Variants in CA8 observed in about 807,000 individuals in gnomAD.
CA8 encodes carbonic anhydrase-related protein.
In CA8, 22 loss-of-function variants were observed where a neutral mutation model predicts 41.4. The observed-to-expected ratio is 0.53, with a 90% CI of 0.38 to 0.76. CA8 has a LOEUF of 0.76. CA8 is among the 30% of genes least tolerant of loss of function. The probability of loss-of-function intolerance (pLI) is 0.00; values close to 1 mark genes in which losing one functional copy is unlikely to be tolerated. For missense variants in CA8, 270 were observed against 352.8 expected (o/e 0.77, Z 1.88); for synonymous variants, 121 against 130.6 (o/e 0.93, Z 0.50).
intron 3 of CA8, among the ~76,000 whole-genome samples, chr8:60,237,690 C>T (rs10081509): frequency 0.83 from 126,454 of 152,232 alleles, 53,806 homozygotes; most frequent in Non-Finnish European, 0.93. Context: ...CCAACAACAA[C>T]AGCAGAATCC....
chr8:60,255,159 C>G (rs577161845), intron 3 of CA8, among the ~76,000 whole-genome samples: 17 of 152,154 alleles, frequency 1.1e-4, no homozygotes, highest in Admixed American at 2.0e-4. Flanking sequence ...CAACCAACTC[C>G]TCCTCCTGTA....
At chr8:60,272,454 T>A (rs7004004) in intron 2 of CA8, among the ~76,000 whole-genome samples, 91,540 of 151,890 alleles carry the variant, frequency 0.6, 28,609 homozygotes, top group African/African-American at 0.79. Context: ...ATTTGCTCCA[T>A]AATACCCTCT....
intron 8 of CA8, among the ~76,000 whole-genome samples, chr8:60,190,872 G>T (rs183576892): frequency 3.4e-5 from 5 of 148,304 alleles, no homozygotes; most frequent in African/African-American, 1.2e-4. Context: ...ATATTACTAT[G>T]CAGTATTTCA....
intron 4 of CA8, among the ~76,000 whole-genome samples, chr8:60,230,613 T>C (rs1175257731): frequency 6.7e-6 from 1 of 148,416 alleles, no homozygotes; most frequent in African/African-American, 2.5e-5. Flanking sequence ...CCCTCCTTCC[T>C]TCCTTCCTGA....
rs1383694008 is a variant in CA8, at chr8:60,281,189, C to T, written c.-42G>A. 1.4e-6 allele frequency: 2 copies of T among 1,423,386 alleles called. No homozygotes were observed. The highest frequency in any genetic ancestry group is 2.4e-5 in the South Asian group (2 of 81,696). 88.2% of individuals were successfully genotyped at this position (1,423,386 alleles called of 1,614,324 possible). On this transcript the variant is annotated 5_prime_UTR_variant, in exon 1 of 9. Transcript: ENST00000317995. ...CCCTCGGCGCTCTCGGCAGCAGTGC[C>T]TGCGCCTTCGCTGGGCGCGGGGCTG...
At chr8:60,215,873 A>G (rs1807001898) in intron 7 of CA8, among the ~76,000 whole-genome samples, 1 of 152,182 alleles carries the variant, frequency 6.6e-6, no homozygotes, top group Non-Finnish European at 1.5e-5. Context: ...TAGAACTTCA[A>G]TGTTGCTAGT....
intron 3 of CA8, among the ~76,000 whole-genome samples, chr8:60,250,689 T>A (rs1032500989): frequency 3.3e-5 from 5 of 152,218 alleles, no homozygotes; most frequent in Admixed American, 3.3e-4. Flanking sequence ...GATTTCCGCA[T>A]ATCTTTTCAC....
At chr8:60,205,128 T>C (rs1806538130) in intron 8 of CA8, among the ~76,000 whole-genome samples, 1 of 152,188 alleles carries the variant, frequency 6.6e-6, no homozygotes, top group Non-Finnish European at 1.5e-5. Flanking sequence ...TTGGAGATGC[T>C]TGCTGAATAA....
At chr8:60,239,199 G>A (rs1279931476) in intron 3 of CA8, among the ~76,000 whole-genome samples, 4 of 152,150 alleles carry the variant, frequency 2.6e-5, no homozygotes, top group Non-Finnish European at 5.9e-5. Flanking sequence ...GAACTCCTGG[G>A]CTCAGGTGAT....
At chr8:60,250,185 C>T (rs1808396961) in intron 3 of CA8, among the ~76,000 whole-genome samples, 1 of 152,160 alleles carries the variant, frequency 6.6e-6, no homozygotes, top group African/African-American at 2.4e-5. Flanking sequence ...TAGAGCTAGA[C>T]TATTTTTAAA....
chr8:60,203,232 C>G (rs1256829073), intron 8 of CA8, among the ~76,000 whole-genome samples: 1 of 151,732 alleles, frequency 6.6e-6, no homozygotes, highest in African/African-American at 2.4e-5. Flanking sequence ...AGGCAGACAG[C>G]TAAAACAAAT....
At chr8:60,272,048 T>C (rs114850558) in intron 2 of CA8, among the ~76,000 whole-genome samples, 2,733 of 152,198 alleles carry the variant, frequency 0.018, 66 homozygotes, top group African/African-American at 0.061. Context: ...TTCAACTCCA[T>C]GTTAGGAGGG....
At position 60,254,040 on chromosome 8, in the gene CA8, T is replaced by A. The variant is rs116082678; in HGVS notation, c.417+11885A>T. ...CAGTGGCAAACACACAGCAGTGGCT[T>A]CCTGAGTGTGTTTTGAACTGATTTA... On this transcript the variant is annotated intron_variant, in intron 3 of 8. Transcript: ENST00000317995. 3.8e-3 allele frequency among the ~76,000 whole-genome samples: 575 copies of A among 152,324 alleles called. 6 individuals are homozygous for A. Among genetic ancestry groups the A allele is most frequent in the African/African-American group, 0.013 (552 of 41,566 alleles).
At chr8:60,248,634 A>G (rs1184519721) in intron 3 of CA8, among the ~76,000 whole-genome samples, 1 of 152,158 alleles carries the variant, frequency 6.6e-6, no homozygotes, top group Admixed American at 6.5e-5. Flanking sequence ...TACCAGTACC[A>G]TGCTGTTTTG....
chr8:60,201,921 T>C (rs1476712177), intron 8 of CA8, among the ~76,000 whole-genome samples: 1 of 142,932 alleles, frequency 7.0e-6, no homozygotes, highest in African/African-American at 2.6e-5. Flanking sequence ...TTGACCAATA[T>C]AACAAAATAA....
At chr8:60,242,115 A>T (rs1808049117) in intron 3 of CA8, among the ~76,000 whole-genome samples, 1 of 152,254 alleles carries the variant, frequency 6.6e-6, no homozygotes, top group Admixed American at 6.5e-5. Flanking sequence ...GATGTAAATA[A>T]ACAAAAATAA....
At chr8:60,260,796 T>C (rs1201895708) in intron 3 of CA8, among the ~76,000 whole-genome samples, 2 of 152,194 alleles carry the variant, frequency 1.3e-5, no homozygotes, top group Non-Finnish European at 2.9e-5. Context: ...GTCATCCCAT[T>C]ACATCTCCTT....
chr8:60,254,004 A>C (rs906445038), intron 3 of CA8, among the ~76,000 whole-genome samples: 1 of 152,172 alleles, frequency 6.6e-6, no homozygotes, highest in African/African-American at 2.4e-5. Context: ...TCATACCCTC[A>C]GCACCAGCCA....
intron 2 of CA8, among the ~76,000 whole-genome samples, chr8:60,278,148 G>C (rs1804299883): frequency 6.6e-6 from 1 of 152,096 alleles, no homozygotes; most frequent in South Asian, 2.1e-4. Context: ...GGTAGCAGAA[G>C]AAAATGGTAA....
Sources: allele counts gnomAD v4.1 joint callset (sites outside exome capture counted in the v4.1 genomes callset), GRCh38; gene constraint gnomAD v4.1.1; transcripts MANE v1.5; gene names NCBI Gene and HGNC (gene_info 2026-07-23, HGNC 2026-07-21).